Variants in CFAP299 observed in about 807,000 individuals in gnomAD.
CFAP299 encodes cilia- and flagella-associated protein 299.
Under a neutral mutation model 27.0 loss-of-function variants are expected in CFAP299, and 21 were observed. That is an observed-to-expected ratio of 0.78 (90% CI 0.55 to 1.12). CFAP299 has a LOEUF of 1.12. Among genes scored for constraint, CFAP299 ranks in the 50% most tolerant of loss-of-function variants. CFAP299 has a pLI of 0.00. For missense variants in CFAP299, 310 were observed against 276.6 expected, an observed-to-expected ratio of 1.12 and a Z score of -0.86; for synonymous variants, 104 against 98.1, an observed-to-expected ratio of 1.06 and a Z score of -0.36.
At chr4:80,633,397 G>C (rs1169436204) in intron 3 of CFAP299, among the ~76,000 whole-genome samples, 3 of 152,046 alleles carry the variant, frequency 2.0e-5, no homozygotes, top group Non-Finnish European at 4.4e-5. Flanking sequence ...CGAGTGTCAC[G>C]AGTGGAGTGT....
intron 3 of CFAP299, among the ~76,000 whole-genome samples, chr4:80,601,093 A>C (rs1737323706): frequency 6.6e-6 from 1 of 152,148 alleles, no homozygotes; most frequent in Non-Finnish European, 1.5e-5. Flanking sequence ...ATGGTTAGAG[A>C]GAAGAATCAA....
chr4:80,658,353 A>G (rs1318559601), intron 3 of CFAP299, among the ~76,000 whole-genome samples: 1 of 152,184 alleles, frequency 6.6e-6, no homozygotes, highest in African/African-American at 2.4e-5. Context: ...ATTCACTGTG[A>G]TATTGGCTGT....
intron 3 of CFAP299, among the ~76,000 whole-genome samples, chr4:80,857,887 G>A (rs1732026545): frequency 6.6e-6 from 1 of 151,996 alleles, no homozygotes; most frequent in Non-Finnish European, 1.5e-5. Flanking sequence ...TTGTGTCTCT[G>A]CCCAGCTTTG....
At chr4:80,369,509 C>T (rs1724026397) in intron 2 of CFAP299, among the ~76,000 whole-genome samples, 1 of 152,242 alleles carries the variant, frequency 6.6e-6, no homozygotes, top group African/African-American at 2.4e-5. Flanking sequence ...CATGTTGATA[C>T]ATTTGTCATT....
intron 4 of CFAP299, among the ~76,000 whole-genome samples, chr4:80,929,439 A>C (rs73831215): frequency 0.17 from 25,659 of 147,636 alleles, 4,955 homozygotes; most frequent in African/African-American, 0.49. Context: ...GCACCACTAT[A>C]CATCCAGTCT....
chr4:80,596,724 A>G (rs77395650), intron 3 of CFAP299, among the ~76,000 whole-genome samples: 1,811 of 152,280 alleles, frequency 0.012, 19 homozygotes, highest in African/African-American at 0.025. Flanking sequence ...CTGATACCAA[A>G]TAAGCCTTAC....
intron 2 of CFAP299, among the ~76,000 whole-genome samples, chr4:80,466,886 G>C (rs1042414025): frequency 1.3e-5 from 2 of 152,184 alleles, no homozygotes; most frequent in Admixed American, 6.6e-5. Flanking sequence ...AGTACCAAAA[G>C]GTAGAAAACT....
intron 2 of CFAP299, among the ~76,000 whole-genome samples, chr4:80,385,610 G>A (rs1724932961): frequency 6.6e-6 from 1 of 152,152 alleles, no homozygotes. Context: ...GAGGTCACAA[G>A]GCAAGTGCAT....
chr4:80,940,562 A>G (rs1269437073), intron 4 of CFAP299, among the ~76,000 whole-genome samples: 1 of 152,158 alleles, frequency 6.6e-6, no homozygotes, highest in Non-Finnish European at 1.5e-5. Context: ...CCACAGATGC[A>G]TACAGTTCCT....
At chr4:80,387,588 T>C (rs1285238960) in intron 2 of CFAP299, 9 of 1,144,420 alleles carry the variant, frequency 7.9e-6, no homozygotes, top group African/African-American at 1.5e-5. Flanking sequence ...CCAAGACCTG[T>C]ACAGTCACAG....
chr4:80,387,077 G>C (rs1725051246), intron 2 of CFAP299: 12 of 1,439,654 alleles, frequency 8.3e-6, no homozygotes, highest in African/African-American at 1.4e-5. Flanking sequence ...AGTTGTGAGT[G>C]GCGGTCTGCA....
At chr4:80,349,841 A>G (rs1394263537) in intron 1 of CFAP299, among the ~76,000 whole-genome samples, 1 of 152,204 alleles carries the variant, frequency 6.6e-6, no homozygotes, top group Admixed American at 6.5e-5. Context: ...AATGGTTGCT[A>G]CTACTAGTAA....
At chr4:80,749,488 A>G (rs1415240387) in intron 3 of CFAP299, among the ~76,000 whole-genome samples, 1 of 152,216 alleles carries the variant, frequency 6.6e-6, no homozygotes, top group Non-Finnish European at 1.5e-5. Context: ...TCACAAGGTG[A>G]AGTCCCACAA....
chr4:80,580,315 G>C (rs1736098923), intron 2 of CFAP299, among the ~76,000 whole-genome samples: 2 of 151,954 alleles, frequency 1.3e-5, no homozygotes, highest in African/African-American at 4.8e-5. Context: ...TAAGTAATTG[G>C]GTACCTTGAT....
At chr4:80,782,684 GAATATATAATA>G (rs1726983412) in intron 3 of CFAP299, among the ~76,000 whole-genome samples, 2 of 113,478 alleles carry the variant, frequency 1.8e-5, no homozygotes, top group Admixed American at 9.0e-5. Flanking sequence ...ATACATATAT[GAATATATAATA>G]TATTCATATA....
intron 3 of CFAP299, among the ~76,000 whole-genome samples, chr4:80,664,711 T>C (rs1741051477): frequency 6.6e-6 from 1 of 152,068 alleles, no homozygotes; most frequent in Non-Finnish European, 1.5e-5. Flanking sequence ...GGTTACCTGG[T>C]TCAGCCCCCT....
chr4:80,586,595 A>G (rs1261605672), intron 3 of CFAP299, among the ~76,000 whole-genome samples: 2 of 152,196 alleles, frequency 1.3e-5, no homozygotes, highest in East Asian at 1.9e-4. Context: ...AAAAACAAAG[A>G]TGTATAGAAC....
chr4:80,576,198 AT>A (rs1194788828), intron 2 of CFAP299, among the ~76,000 whole-genome samples: 103 of 17,530 alleles, frequency 5.9e-3, no homozygotes, highest in African/African-American at 8.5e-3. Context: ...AAAAAAAAAA[AT>A]ATATATATAT....
At chr4:80,685,796 C>A (rs1720151378) in intron 3 of CFAP299, among the ~76,000 whole-genome samples, 1 of 152,092 alleles carries the variant, frequency 6.6e-6, no homozygotes, top group African/African-American at 2.4e-5. Flanking sequence ...TGTTCCTTCT[C>A]TTCACACACC....
Sources: gnomAD v4.1 joint callset for allele counts (sites outside exome capture counted in the v4.1 genomes callset) on GRCh38, gnomAD v4.1.1 for gene constraint, MANE v1.5 for transcripts, NCBI Gene and HGNC (gene_info 2026-07-23, HGNC 2026-07-21) for gene names.